The following MBNL2 variants were observed in gnomAD, a reference collection of about 807,000 sequenced individuals.
MBNL2 encodes the protein muscleblind-like protein 2.
A neutral mutation model predicts 41.9 loss-of-function variants in MBNL2; 17 were observed. The ratio of observed to expected loss-of-function variants is 0.41; its 90% confidence interval spans 0.28 to 0.61. The LOEUF is 0.61. MBNL2 is among the 20% of genes least tolerant of loss of function. The pLI, the probability that MBNL2 is intolerant of heterozygous loss-of-function variation, is 0.35. For missense variants in MBNL2, 336 were observed against 505.6 expected, an observed-to-expected ratio of 0.66 and a Z score of 3.22; for synonymous variants, 195 against 182.9, an observed-to-expected ratio of 1.07 and a Z score of -0.53.
chr13:97,317,120 T>G (rs2059125905), intron 2 of MBNL2, among the ~76,000 whole-genome samples: 1 of 152,074 alleles, frequency 6.6e-6, no homozygotes. Flanking sequence ...AGGGTGGGTA[T>G]GTATCTAGGG....
At chr13:97,220,924 A>G (rs2040805252), upstream of MBNL2, among the ~76,000 whole-genome samples, 1 of 152,228 alleles carries the variant, frequency 6.6e-6, no homozygotes, top group South Asian at 2.1e-4. Flanking sequence ...TGACCACAGA[A>G]CTAATTTAAA....
chr13:97,291,301 G>A (rs914433921), intron 2 of MBNL2, among the ~76,000 whole-genome samples: 2 of 151,984 alleles, frequency 1.3e-5, no homozygotes, highest in African/African-American at 4.8e-5. Flanking sequence ...GAGTGCAGTG[G>A]TGCAGTCTTG....
At chr13:97,336,390 A>G (rs765284020) in intron 3 of MBNL2, among the ~76,000 whole-genome samples, 1 of 152,216 alleles carries the variant, frequency 6.6e-6, no homozygotes, top group Non-Finnish European at 1.5e-5. Context: ...TGGAACCTAT[A>G]AATGTCACCT....
chr13:97,344,709 A>G (rs980655235), intron 4 of MBNL2, among the ~76,000 whole-genome samples: 1 of 152,188 alleles, frequency 6.6e-6, no homozygotes, highest in African/African-American at 2.4e-5. Context: ...GGACTGGAAA[A>G]GTGTTTTGGG....
At chr13:97,214,085 C>T in the MBNL2 span, among the ~76,000 whole-genome samples, 2 of 152,204 alleles carry the variant, frequency 1.3e-5, no homozygotes, top group Admixed American at 1.3e-4. Context: ...ACGTTATTCT[C>T]ATTCCATTAA....
At chr13:97,200,137 T>C in the MBNL2 span, among the ~76,000 whole-genome samples, 2 of 152,242 alleles carry the variant, frequency 1.3e-5, no homozygotes, top group African/African-American at 4.8e-5. Flanking sequence ...CCAGCCTCCA[T>C]GCTGTGGGCC....
intron 2 of MBNL2, among the ~76,000 whole-genome samples, chr13:97,300,574 G>A (rs1395808991): frequency 1.3e-5 from 2 of 152,132 alleles, no homozygotes; most frequent in Non-Finnish European, 2.9e-5. Flanking sequence ...GGTAATGCTT[G>A]TCAACCTTCT....
At chr13:97,253,674 TA>T (rs1213015681) in intron 1 of MBNL2, among the ~76,000 whole-genome samples, 1 of 152,266 alleles carries the variant, frequency 6.6e-6, no homozygotes, top group Non-Finnish European at 1.5e-5. Flanking sequence ...ATCACTCATA[TA>T]AAAAATTCTT....
chr13:97,176,985 G>A, the MBNL2 span, among the ~76,000 whole-genome samples: 26 of 152,120 alleles, frequency 1.7e-4, no homozygotes, highest in African/African-American at 6.3e-4. Flanking sequence ...TAAACAAATG[G>A]TGAGAAATGG....
At chr13:97,166,670 C>A in the MBNL2 span, among the ~76,000 whole-genome samples, 3 of 152,130 alleles carry the variant, frequency 2.0e-5, no homozygotes, top group Non-Finnish European at 4.4e-5. Context: ...GAACATCAAA[C>A]TTCAAGTTCT....
At chr13:97,316,496 C>T (rs2059066069) in intron 2 of MBNL2, among the ~76,000 whole-genome samples, 1 of 152,198 alleles carries the variant, frequency 6.6e-6, no homozygotes, top group African/African-American at 2.4e-5. Context: ...CTGGTCAAAC[C>T]ATGGTTGTTT....
chr13:97,368,329 C>T (rs2064033676), intron 8 of MBNL2, among the ~76,000 whole-genome samples: 1 of 151,940 alleles, frequency 6.6e-6, no homozygotes, highest in Non-Finnish European at 1.5e-5. Flanking sequence ...GGGAGGATCG[C>T]CTGAGCCTGG....
chr13:97,330,652 C>T (rs1380871356), intron 2 of MBNL2, among the ~76,000 whole-genome samples: 1 of 152,232 alleles, frequency 6.6e-6, no homozygotes, highest in Non-Finnish European at 1.5e-5. Flanking sequence ...CGCTTCTGCA[C>T]ACTGCCCTGT....
the MBNL2 span, among the ~76,000 whole-genome samples, chr13:97,176,879 T>A: frequency 6.6e-6 from 1 of 152,134 alleles, no homozygotes; most frequent in Non-Finnish European, 1.5e-5. Context: ...AACAACGTTT[T>A]TAGTCTCTCA....
At position 97,368,333 on chromosome 13, in the gene MBNL2, A is replaced by G. The variant is rs370190854; in HGVS notation, c.1048+3162A>G. Among the ~76,000 whole-genome samples, 568 of 152,098 alleles carry G rather than the reference A, an allele frequency of 3.7e-3. 3 individuals are homozygous for G. The highest frequency in any genetic ancestry group is 0.013 in the African/African-American group (546 of 41,480). On this transcript the variant is annotated intron_variant, in intron 8 of 8. Transcript: ENST00000679496. The stretch of plus-strand genomic sequence containing the variant: ...GAGGCTGAGGTGGGAGGATCGCCTG[A>G]GCCTGGGGAGGTCGAGGCTGCAGTG...
intron 8 of MBNL2, among the ~76,000 whole-genome samples, chr13:97,372,457 A>G (rs1386728601): frequency 6.6e-6 from 1 of 152,074 alleles, no homozygotes; most frequent in Non-Finnish European, 1.5e-5. Context: ...AAGTACATTA[A>G]ACTTAATGTA....
intron 5 of MBNL2, among the ~76,000 whole-genome samples, chr13:97,351,130 T>C (rs1301451773): frequency 6.6e-6 from 1 of 152,234 alleles, no homozygotes; most frequent in African/African-American, 2.4e-5. Flanking sequence ...ACATCTCCAC[T>C]GGAGCCCTTG....
chr13:97,279,870 A>G (rs2052997386), intron 2 of MBNL2, among the ~76,000 whole-genome samples: 1 of 152,232 alleles, frequency 6.6e-6, no homozygotes, highest in Non-Finnish European at 1.5e-5. Context: ...CATTTGTAGA[A>G]GACATTTTGG....
chr13:97,146,643 C>CCCCT, the MBNL2 span, among the ~76,000 whole-genome samples: 1 of 152,246 alleles, frequency 6.6e-6, no homozygotes, highest in African/African-American at 2.4e-5. Context: ...AGAAGCCTTT[C>CCCCT]CCCTGTTCAG....
Sources: gnomAD v4.1 joint callset for allele counts (sites outside exome capture counted in the v4.1 genomes callset) on GRCh38, gnomAD v4.1.1 for gene constraint, MANE v1.5 for transcripts, NCBI Gene and HGNC (gene_info 2026-07-23, HGNC 2026-07-21) for gene names.